The following PLCB1 variants were observed in gnomAD, a reference collection of about 807,000 sequenced individuals.
PLCB1 encodes phospholipase C beta 1.
A neutral mutation model predicts 161.8 loss-of-function variants in PLCB1; 46 were observed. The ratio of observed to expected loss-of-function variants is 0.28; its 90% CI spans 0.22 to 0.36. The LOEUF is 0.36. Among genes scored for constraint, PLCB1 ranks in the 10% least tolerant of loss-of-function variants. PLCB1 has a pLI of 1.00. For missense variants in PLCB1, 1,016 were observed against 1,472.5 expected, an observed-to-expected ratio of 0.69 and a Z score of 5.07; for synonymous variants, 517 against 503.7, an observed-to-expected ratio of 1.03 and a Z score of -0.35.
intron 2 of PLCB1, among the ~76,000 whole-genome samples, chr20:8,248,095 C>T (rs561551367): frequency 1.3e-5 from 2 of 151,980 alleles, no homozygotes; most frequent in South Asian, 4.1e-4. Flanking sequence ...TCAGGAGAGA[C>T]TGGCAGAGGA....
At position 8,573,616 on chromosome 20, in the gene PLCB1, ACT is replaced by A. The variant is rs932099229; in HGVS notation, c.247-54675_247-54674del. On this transcript the variant is annotated intron_variant, in intron 3 of 31. Coordinates refer to ENST00000338037, the MANE Select transcript of PLCB1 (RefSeq NM_015192.4). ...TTCACATTCTAATTCAAAGTGTGAG[ACT>A]CTGGCCAAATGATCCTTCTGACCTC... Among the ~76,000 whole-genome samples, 156 of 152,270 alleles carry A rather than the reference ACT, an allele frequency of 1.0e-3. 1 individual carries two copies. The highest frequency in any genetic ancestry group is 3.7e-3 in the African/African-American group (154 of 41,550).
intron 31 of PLCB1, among the ~76,000 whole-genome samples, chr20:8,870,501 A>C (rs546761759): frequency 1.3e-5 from 2 of 152,314 alleles, no homozygotes; most frequent in South Asian, 2.1e-4. Context: ...TTCATGGAAT[A>C]TATGCATATA....
intron 14 of PLCB1, among the ~76,000 whole-genome samples, chr20:8,720,170 C>T (rs1023511234): frequency 1.3e-5 from 2 of 152,168 alleles, no homozygotes; most frequent in African/African-American, 4.8e-5. Context: ...AGCAAGCAAA[C>T]CTTGTCTTCC....
intron 31 of PLCB1, among the ~76,000 whole-genome samples, chr20:8,824,057 A>G (rs895554966): frequency 2.0e-5 from 3 of 152,020 alleles, no homozygotes; most frequent in Non-Finnish European, 4.4e-5. Context: ...TGCTTGTTGG[A>G]ATTGACACAT....
At chr20:8,621,066 C>T (rs1347992687) in intron 3 of PLCB1, among the ~76,000 whole-genome samples, 1 of 152,142 alleles carries the variant, frequency 6.6e-6, no homozygotes, top group African/African-American at 2.4e-5. Flanking sequence ...GCTGCGGACT[C>T]ATTGTAAAAG....
At chr20:8,825,079 T>G (rs1419793190) in intron 31 of PLCB1, among the ~76,000 whole-genome samples, 1 of 152,190 alleles carries the variant, frequency 6.6e-6, no homozygotes, top group African/African-American at 2.4e-5. Context: ...TTGTACTCAT[T>G]TTATTCATTC....
At chr20:8,411,395 T>C (rs949472706) in intron 3 of PLCB1, among the ~76,000 whole-genome samples, 4 of 152,242 alleles carry the variant, frequency 2.6e-5, no homozygotes, top group African/African-American at 9.6e-5. Flanking sequence ...CTGGAACATT[T>C]TAAAATATAT....
intron 3 of PLCB1, among the ~76,000 whole-genome samples, chr20:8,438,560 C>T (rs947526701): frequency 1.8e-4 from 27 of 152,154 alleles, no homozygotes; most frequent in Non-Finnish European, 4.4e-5. Flanking sequence ...TCTTACATGG[C>T]TCTTACAACC....
chr20:8,188,955 C>T (rs2051935779), intron 2 of PLCB1, among the ~76,000 whole-genome samples: 1 of 151,958 alleles, frequency 6.6e-6, no homozygotes, highest in Non-Finnish European at 1.5e-5. Flanking sequence ...GAAAATATTG[C>T]TATAAAGCAA....
chr20:8,637,270 A>G (rs1013880836), intron 4 of PLCB1, among the ~76,000 whole-genome samples: 1 of 152,222 alleles, frequency 6.6e-6, no homozygotes, highest in Non-Finnish European at 1.5e-5. Context: ...GATTAAAAAT[A>G]CTTTTTGAAA....
chr20:8,846,697 A>G (rs1386851012), intron 31 of PLCB1, among the ~76,000 whole-genome samples: 1 of 152,148 alleles, frequency 6.6e-6, no homozygotes, highest in Non-Finnish European at 1.5e-5. Context: ...ATTGATTAAC[A>G]CAGTAAAGAA....
intron 3 of PLCB1, among the ~76,000 whole-genome samples, chr20:8,590,150 G>A (rs2123105808): frequency 6.6e-6 from 1 of 152,232 alleles, no homozygotes; most frequent in Admixed American, 6.5e-5. Context: ...ACGGAACTTT[G>A]AAAGGGCCTG....
At chr20:8,457,714 GCACACACACA>G (rs145581916) in intron 3 of PLCB1, among the ~76,000 whole-genome samples, 25 of 145,760 alleles carry the variant, frequency 1.7e-4, no homozygotes, top group Non-Finnish European at 2.6e-4. Flanking sequence ...ATGTGTGCGC[GCACACACACA>G]CACACACACA....
intron 9 of PLCB1, among the ~76,000 whole-genome samples, chr20:8,663,544 TC>T (rs1361827266): frequency 6.6e-6 from 1 of 152,128 alleles, no homozygotes; most frequent in Non-Finnish European, 1.5e-5. Flanking sequence ...AATTAGCATG[TC>T]AGCCACATCT....
At chr20:8,514,473 A>C (rs2122861275) in intron 3 of PLCB1, among the ~76,000 whole-genome samples, 1 of 147,780 alleles carries the variant, frequency 6.8e-6, no homozygotes, top group African/African-American at 2.4e-5. Context: ...GGAAAAAAGA[A>C]ACCAGCCTGG....
chr20:8,191,918 A>T (rs1410788733), intron 2 of PLCB1, among the ~76,000 whole-genome samples: 1 of 152,016 alleles, frequency 6.6e-6, no homozygotes, highest in Non-Finnish European at 1.5e-5. Context: ...CTTGTAAAGC[A>T]GGTTTGAATA....
intron 3 of PLCB1, among the ~76,000 whole-genome samples, chr20:8,578,016 T>C (rs1986728327): frequency 1.3e-5 from 2 of 152,220 alleles, no homozygotes; most frequent in Non-Finnish European, 2.9e-5. Flanking sequence ...CATAGGGATC[T>C]CTTTCATCTC....
chr20:8,301,591 G>T (rs923353087), intron 2 of PLCB1, among the ~76,000 whole-genome samples: 4 of 152,036 alleles, frequency 2.6e-5, no homozygotes, highest in African/African-American at 9.7e-5. Flanking sequence ...CTAGACACAT[G>T]CAACTCCTGC....
At chr20:8,564,422 TG>T (rs1271183738) in intron 3 of PLCB1, among the ~76,000 whole-genome samples, 2 of 152,136 alleles carry the variant, frequency 1.3e-5, no homozygotes, top group Non-Finnish European at 2.9e-5. Flanking sequence ...GACATAGGCA[TG>T]GGCAAAGACT....
Sources: allele counts gnomAD v4.1 joint callset (sites outside exome capture counted in the v4.1 genomes callset), GRCh38; gene constraint gnomAD v4.1.1; transcripts MANE v1.5; gene names NCBI Gene and HGNC (gene_info 2026-07-23, HGNC 2026-07-21).